Variants in VWDE observed in about 807,000 individuals in gnomAD.
VWDE encodes the protein von Willebrand factor D and EGF domain-containing protein.
Under a neutral mutation model 178.4 loss-of-function variants are expected in VWDE, and 207 were observed. That is an observed-to-expected ratio of 1.16 (90% CI 1.04 to 1.30). The LOEUF (loss-of-function observed/expected upper bound fraction) is 1.30. VWDE is among the 50% of genes most tolerant of loss of function. The probability of loss-of-function intolerance (pLI) is 0.00; values close to 1 mark genes in which losing one functional copy is unlikely to be tolerated. For synonymous variants in VWDE, 738 were observed against 651.4 expected, an observed-to-expected ratio of 1.13 and a Z score of -2.02; for missense variants, 2,287 against 1,901.3, an observed-to-expected ratio of 1.20 and a Z score of -3.77.
chr7:12,401,194 T>G (rs923074357), intron 1 of VWDE, among the ~76,000 whole-genome samples: 1 of 152,138 alleles, frequency 6.6e-6, no homozygotes, highest in African/African-American at 2.4e-5. Context: ...CACATTGTAC[T>G]TTAGAATAGC....
chr7:12,370,628 A>G, intron 11 of VWDE, 28 bp downstream of exon 11: 1 of 1,546,484 alleles, frequency 6.5e-7, no homozygotes, highest in Non-Finnish European at 8.7e-7. Context: ...ATATTAATAT[A>G]ATCGCAAGTG....
chr7:12,400,151 C>T (rs1784834214), intron 1 of VWDE, among the ~76,000 whole-genome samples: 2 of 151,960 alleles, frequency 1.3e-5, no homozygotes, highest in Non-Finnish European at 2.9e-5. Flanking sequence ...AACCTTGCAC[C>T]TTAAGACACT....
rs138416283 is a variant in VWDE at position 12,370,256 on chromosome 7, G to A, written c.2050C>T (p.His684Tyr). ...SDTLVREINK[H>Y]TSPEEYNLNL... ...AGATTATATTCTTCTGGAGATGTAT[G>A]CTTGTTTATCTCTCTGACAAGAGTG... The change falls in exon 12 of 29, where the codon CAT (histidine) becomes TAT (tyrosine). Residue 684 changes from histidine (H) to tyrosine (Y), a missense_variant. Physicochemically the swap from His to Tyr is moderately conservative, Grantham distance 83 (BLOSUM62 2). Coordinates refer to ENST00000275358, the MANE Select transcript of VWDE (RefSeq NM_001135924.3). The A allele has an allele frequency of 1.7e-4, 270 of 1,550,998 alleles. 2 individuals are homozygous for A. In the East Asian group the frequency reaches 5.4e-3, roughly 31 times the overall value.
intron 28 of VWDE, 69 bp from the exon 29 acceptor site, chr7:12,331,266 T>G: frequency 7.5e-7 from 1 of 1,336,336 alleles, no homozygotes; most frequent in Non-Finnish European, 1.0e-6. Flanking sequence ...ACTCATTATT[T>G]GTTGCCTCCT....
intron 19 of VWDE, among the ~76,000 whole-genome samples, chr7:12,346,616 C>T (rs1350918482): frequency 1.7e-4 from 23 of 134,292 alleles, no homozygotes; most frequent in Admixed American, 4.9e-4. Flanking sequence ...ATCTTTTTGG[C>T]GGGGGCGGGG....
Position 12,370,660 on chromosome 7 carries a change from A to T in VWDE, c.1792T>A (p.Trp598Arg). 1.9e-6 allele frequency: 3 copies of T among 1,550,682 alleles called. No individual in the cohort carries two copies. The highest frequency in any genetic ancestry group is 2.6e-6 in the Non-Finnish European group (3 of 1,146,494). The change falls in exon 11 of 29, where the codon TGG becomes AGG. Residue 598 changes from tryptophan to arginine, a missense_variant. Transcript: ENST00000275358. ...AGTGGAAAAATAGTGTCTTACCTCC[A>T]TTCATTAATAAAAGCAACATAATTG... ...FNNYVAFINE[W>R]RILPGKSMSD...
intron 5 of VWDE, 137 bp from the exon 6 acceptor site, chr7:12,379,703 GCTTA>G (rs1783734464): frequency 1.8e-6 from 1 of 567,532 alleles, no homozygotes; most frequent in African/African-American, 1.9e-5. Flanking sequence ...TAATTTAAAA[GCTTA>G]CTTGATATTT....
intron 26 of VWDE, 109 bp downstream of exon 26, chr7:12,336,879 T>A: frequency 9.2e-7 from 1 of 1,086,600 alleles, no homozygotes; most frequent in East Asian, 2.6e-5. Flanking sequence ...TATGCAAAAA[T>A]TTTAAAAAGA....
At chr7:12,381,969 A>G (rs1424901424) in intron 4 of VWDE, among the ~76,000 whole-genome samples, 1 of 151,938 alleles carries the variant, frequency 6.6e-6, no homozygotes, top group African/African-American at 2.4e-5. Context: ...AGATGAAACA[A>G]AATTTGTTAT....
chr7:12,382,782 C>T (rs1050968561), intron 4 of VWDE, among the ~76,000 whole-genome samples: 2 of 151,742 alleles, frequency 1.3e-5, no homozygotes, highest in Admixed American at 6.6e-5. Flanking sequence ...TCAATTTCTG[C>T]CCATCATGTA....
At chr7:12,331,513 T>C (rs1051812934) in intron 28 of VWDE, among the ~76,000 whole-genome samples, 1 of 152,164 alleles carries the variant, frequency 6.6e-6, no homozygotes, top group African/African-American at 2.4e-5. Flanking sequence ...CTGATACTCA[T>C]AACACATTGC....
In VWDE at chr7:12,370,126, G is replaced by A. The variant is rs3801365; in HGVS notation, c.2180C>T (p.Ala727Val). ...NEKEDSLQYLANKKYTQGRGS... is the reference protein window; with the variant it reads ...NEKEDSLQYLVNKKYTQGRGS... ...CCGGCCTTGTGTATATTTCTTATTG[G>A]CCAAATATTGTAGTGAATCTTCTTT... Residue 727 changes from alanine to valine, a missense_variant, in exon 12 of 29, where the codon GCC (alanine) becomes GTC (valine). Coordinates refer to ENST00000275358, the MANE Select transcript of VWDE (RefSeq NM_001135924.3). The A allele has an allele frequency of 5.2e-5, 80 of 1,551,418 alleles. 1 individual carries two copies. The East Asian group carries it at 1.9e-3, about 37-fold the overall frequency.
chr7:12,383,763 C>G (rs2128559429), intron 3 of VWDE, among the ~76,000 whole-genome samples, 162 bp from the exon 4 acceptor site: 1 of 152,114 alleles, frequency 6.6e-6, no homozygotes, highest in Middle Eastern at 3.4e-3. Context: ...AGGGTGAGAT[C>G]AAATGAAAAG....
rs550869041 is a variant in VWDE at position 12,350,167 on chromosome 7, A to C, written c.3886+1406T>G. ...TAATCATATAGTCAATATATTTGTG[A>C]CATATAAAAATTTAAATGAAATACT... On this transcript the variant is annotated intron_variant, in intron 19 of 28. Transcript: ENST00000275358. 2.6e-5 allele frequency among the ~76,000 whole-genome samples: 4 copies of C among 151,388 alleles called. No individual in the cohort carries two copies. In the South Asian group the frequency reaches 8.3e-4, roughly 31 times the overall value.
intron 19 of VWDE, among the ~76,000 whole-genome samples, chr7:12,349,235 T>TAATAAATACATAAATA (rs57754696): frequency 3.6e-3 from 463 of 130,016 alleles, no homozygotes; most frequent in African/African-American, 8.8e-3. Flanking sequence ...ATAATCATAA[T>TAATAAATACATAAATA]AATAAATAAA....
At chr7:12,377,130 A>G (rs190717931) in intron 7 of VWDE, among the ~76,000 whole-genome samples, 1 of 152,130 alleles carries the variant, frequency 6.6e-6, no homozygotes, top group East Asian at 1.9e-4. Context: ...GGGAAAAAGA[A>G]CATAATCAAG....
intron 6 of VWDE, among the ~76,000 whole-genome samples, chr7:12,378,876 C>T (rs1427949689): frequency 1.3e-5 from 2 of 152,188 alleles, no homozygotes; most frequent in Non-Finnish European, 2.9e-5. Context: ...GAATCCAGGT[C>T]AAACTCGAGT....
chr7:12,335,383 T>C (rs1479430416), intron 27 of VWDE, among the ~76,000 whole-genome samples: 1 of 152,188 alleles, frequency 6.6e-6, no homozygotes, highest in East Asian at 1.9e-4. Flanking sequence ...TGGATGGAGA[T>C]ATACTAAAAC....
Position 12,356,133 on chromosome 7 carries a change from A to C in VWDE, c.3723T>G (p.Cys1241Trp), listed in dbSNP as rs201995709. The change falls in exon 18 of 29, where the codon TGT becomes TGG. Residue 1241 changes from cysteine to tryptophan, a missense_variant. Physicochemically the swap from Cys to Trp is radical, Grantham distance 215. Coordinates refer to ENST00000275358, the MANE Select transcript of VWDE (RefSeq NM_001135924.3). The stretch of plus-strand genomic sequence containing the variant: ...TACCTTTGAGCTCAGGTGGACAATC[A>C]CAGGAATAACTGTGAAAACCACTAA... Reference protein sequence around the residue: ...SYISGFHSYSCDCPPELKVET... With the variant: ...SYISGFHSYSWDCPPELKVET... The C allele has an allele frequency of 7.0e-4, 1,082 of 1,551,416 alleles. No homozygotes were observed. The highest frequency in any genetic ancestry group is 8.8e-4 in the Non-Finnish European group (1,008 of 1,146,978).
Sources: gnomAD v4.1 joint callset for allele counts (sites outside exome capture counted in the v4.1 genomes callset) on GRCh38, gnomAD v4.1.1 for gene constraint, MANE v1.5 for transcripts, NCBI Gene and HGNC (gene_info 2026-07-23, HGNC 2026-07-21) for gene names.